PALS2: variants seen among roughly 807,000 people sequenced by gnomAD.
PALS2 encodes the protein protein PALS2.
PALS2 carries 27 observed loss-of-function variants against 61.6 expected under a neutral mutation model. That is an observed-to-expected ratio of 0.44 (90% CI 0.32 to 0.60). The LOEUF (loss-of-function observed/expected upper bound fraction) is 0.60, where lower values mean the gene tolerates loss of function less well. PALS2 is among the 20% of genes least tolerant of loss of function. PALS2 has a pLI of 0.05. For synonymous variants in PALS2, 236 were observed against 218.6 expected (o/e 1.08, Z -0.70); for missense variants, 554 against 639.4 (o/e 0.87, Z 1.44).
intron 1 of PALS2, among the ~76,000 whole-genome samples, chr7:24,586,434 G>A (rs1783067619): frequency 6.6e-6 from 1 of 152,160 alleles, no homozygotes; most frequent in African/African-American, 2.4e-5. Context: ...TAGGTCATAA[G>A]CTGGGTAAGT....
At chr7:24,680,632 G>T in intron 11 of PALS2, 112 bp downstream of exon 11, 2 of 1,337,450 alleles carry the variant, frequency 1.5e-6, no homozygotes, top group Non-Finnish European at 2.0e-6. Flanking sequence ...GTTTTGCTTT[G>T]TCACCCAGGC....
At chr7:24,681,150 TATA>T (rs1307750488) in intron 11 of PALS2, among the ~76,000 whole-genome samples, 2 of 152,174 alleles carry the variant, frequency 1.3e-5, no homozygotes, top group African/African-American at 4.8e-5. Context: ...GCATGTTTAT[TATA>T]TGGTTTATCA....
At chr7:24,601,074 C>A (rs1783705468) in intron 1 of PALS2, among the ~76,000 whole-genome samples, 1 of 152,074 alleles carries the variant, frequency 6.6e-6, no homozygotes, top group African/African-American at 2.4e-5. Flanking sequence ...GGTATCATGT[C>A]AGTAAATGGT....
chr7:24,595,518 T>TATATATA (rs1198297630), intron 1 of PALS2, among the ~76,000 whole-genome samples: 61 of 91,066 alleles, frequency 6.7e-4, no homozygotes, highest in Non-Finnish European at 7.3e-4. Flanking sequence ...TAATATATAA[T>TATATATA]ATATATAATA....
At chr7:24,581,177 G>A (rs1026909677) in intron 1 of PALS2, among the ~76,000 whole-genome samples, 4 of 151,824 alleles carry the variant, frequency 2.6e-5, no homozygotes, top group East Asian at 1.9e-4. Flanking sequence ...CTTGGCTTGC[G>A]GCTACACACT....
At chr7:24,622,812 T>C (rs1490164498) in intron 1 of PALS2, among the ~76,000 whole-genome samples, 1 of 151,866 alleles carries the variant, frequency 6.6e-6, no homozygotes, top group African/African-American at 2.4e-5. Context: ...TGATATTAGC[T>C]GTGGGTTTTT....
intron 2 of PALS2, among the ~76,000 whole-genome samples, chr7:24,624,367 T>C (rs1280469492): frequency 6.6e-6 from 1 of 152,144 alleles, no homozygotes; most frequent in Non-Finnish European, 1.5e-5. Context: ...TACCATTCTT[T>C]AGAGTTCCCC....
intron 3 of PALS2, among the ~76,000 whole-genome samples, chr7:24,643,104 T>C (rs1785648870): frequency 6.6e-6 from 1 of 152,106 alleles, no homozygotes; most frequent in South Asian, 2.1e-4. Context: ...ATGTGGGAAG[T>C]TGATAACACA....
At chr7:24,628,944 C>G (rs1167658444) in intron 2 of PALS2, among the ~76,000 whole-genome samples, 1 of 152,106 alleles carries the variant, frequency 6.6e-6, no homozygotes, top group Non-Finnish European at 1.5e-5. Flanking sequence ...CAATGCTATT[C>G]CCATCAAGCT....
intron 2 of PALS2, among the ~76,000 whole-genome samples, chr7:24,640,407 CTA>C (rs1194745285): frequency 2.6e-5 from 4 of 152,084 alleles, no homozygotes; most frequent in Admixed American, 2.0e-4. Flanking sequence ...AGGATCCACT[CTA>C]TGGTAAAAAT....
chr7:24,648,476 TAGAGAC>T (rs1331245869), intron 3 of PALS2, among the ~76,000 whole-genome samples: 1 of 151,688 alleles, frequency 6.6e-6, no homozygotes, highest in African/African-American at 2.4e-5. Context: ...GTGTTTTTAG[TAGAGAC>T]AGAGTGTTGC....
At chr7:24,676,955 A>G (rs1787633604) in intron 9 of PALS2, among the ~76,000 whole-genome samples, 1 of 151,038 alleles carries the variant, frequency 6.6e-6, no homozygotes, top group African/African-American at 2.5e-5. Context: ...GAGTCTGTAA[A>G]TTACCTTGGG....
chr7:24,590,283 CTTTT>C (rs1314969123), intron 1 of PALS2, among the ~76,000 whole-genome samples: 1 of 152,056 alleles, frequency 6.6e-6, no homozygotes, highest in African/African-American at 2.4e-5. Context: ...AGCTACCTGT[CTTTT>C]TGTTACTGTT....
chr7:24,636,028 A>G lies in PALS2; in HGVS notation c.118-5688A>G, dbSNP rs534800390. ...AGAGTTCGAGTCCAGCCTGACCAAC[A>G]TGGAGAAACCCTGTCTCTACTAAAA... On this transcript the variant is annotated intron_variant, in intron 2 of 11. Transcript: ENST00000222644. Among the ~76,000 whole-genome samples the G allele has an allele frequency of 6.8e-4, 104 of 152,098 alleles. 1 individual carries two copies. The Middle Eastern group carries it at 0.01, about 15-fold the overall frequency.
In PALS2 at chr7:24,583,777, C is replaced by A. The variant is rs541032994; in HGVS notation, c.-3+10184C>A. The stretch of plus-strand genomic sequence containing the variant: ...CTGCACCCACTAACTTGTCATCTAG[C>A]ATTAGGTATATCTCCCAATGCTATC... On this transcript the variant is annotated intron_variant, in intron 1 of 11. Coordinates refer to ENST00000222644, the MANE Select transcript of PALS2 (RefSeq NM_001303037.2). Among the ~76,000 whole-genome samples, 622 of 151,994 alleles carry A rather than the reference C, an allele frequency of 4.1e-3. 2 individuals carry two copies. The highest frequency in any genetic ancestry group is 0.014 in the African/African-American group (578 of 41,412).
intron 6 of PALS2, among the ~76,000 whole-genome samples, chr7:24,664,214 C>CT (rs1259396924): frequency 6.6e-6 from 1 of 152,100 alleles, no homozygotes; most frequent in Non-Finnish European, 1.5e-5. Context: ...GAGGTTCACT[C>CT]TATCAGTTTT....
Position 24,623,730 on chromosome 7 carries a change from C to T in PALS2, c.63C>T (p.Asp21=). The part of the protein sequence containing the change: ...LPSSTGAEEI[D]LIFLKGIMEN... ...CGTCTACTGGAGCAGAAGAAATAGA[C>T]CTAATTTTCCTCAAGGGAATTATGG... is the stretch of plus-strand genomic sequence containing the variant. The change falls in exon 2 of 12, where the codon GAC becomes GAT. Residue 21 remains aspartate, a synonymous_variant. Coordinates refer to ENST00000222644, the MANE Select transcript of PALS2 (RefSeq NM_001303037.2). The T allele has an allele frequency of 6.2e-7, 1 of 1,608,976 alleles. No homozygotes were observed. The highest frequency in any genetic ancestry group is 8.5e-7 in the Non-Finnish European group (1 of 1,177,578).
chr7:24,651,713 T>C (rs2721799), intron 5 of PALS2, among the ~76,000 whole-genome samples: 76,868 of 152,146 alleles, frequency 0.51, 23,207 homozygotes, highest in African/African-American at 0.83. Context: ...CTCTAATGCT[T>C]AGGTTTATTC....
chr7:24,681,110 G>C (rs1472188681), intron 11 of PALS2, among the ~76,000 whole-genome samples: 1 of 151,952 alleles, frequency 6.6e-6, no homozygotes, highest in African/African-American at 2.4e-5. Context: ...TTTTACTAGT[G>C]GGGTAACTGG....
Sources: gnomAD v4.1 joint callset for allele counts (sites outside exome capture counted in the v4.1 genomes callset) on GRCh38, gnomAD v4.1.1 for gene constraint, MANE v1.5 for transcripts, NCBI Gene and HGNC (gene_info 2026-07-23, HGNC 2026-07-21) for gene names.